The following JMJD1C variants were observed in gnomAD, a reference collection of about 807,000 sequenced individuals.
The protein encoded by JMJD1C is jumonji domain-containing protein 1C.
JMJD1C carries 31 observed loss-of-function variants against 245.3 expected under a neutral mutation model. The observed-to-expected ratio is 0.13, with a 90% CI of 0.09 to 0.17. The LOEUF (loss-of-function observed/expected upper bound fraction) is 0.17. Among genes scored for constraint, JMJD1C ranks in the 10% least tolerant of loss-of-function variants. The pLI is 1.00. For missense variants in JMJD1C, 2,691 were observed against 3,000.2 expected, an observed-to-expected ratio of 0.90 and a Z score of 2.41; for synonymous variants, 1,057 against 1,017.4, an observed-to-expected ratio of 1.04 and a Z score of -0.74.
chr10:63,519,997 T>A (rs1955157208), intron 1 of JMJD1C, among the ~76,000 whole-genome samples: 1 of 152,122 alleles, frequency 6.6e-6, no homozygotes, highest in Non-Finnish European at 1.5e-5. Context: ...AATAAAAGAT[T>A]CAGAGTTAAA....
chr10:63,289,848 G>A (rs1277173801), intron 2 of JMJD1C, among the ~76,000 whole-genome samples: 1 of 151,820 alleles, frequency 6.6e-6, no homozygotes, highest in African/African-American at 2.4e-5. Flanking sequence ...ATTTTAGAAA[G>A]GTCATTCATT....
intron 1 of JMJD1C, among the ~76,000 whole-genome samples, chr10:63,437,046 C>G (rs562095893): frequency 5.9e-5 from 9 of 152,246 alleles, no homozygotes; most frequent in Non-Finnish European, 4.4e-5. Context: ...TAGAGTAATT[C>G]ATTTGCCCAT....
intron 1 of JMJD1C, among the ~76,000 whole-genome samples, chr10:63,502,569 C>T (rs1299423703): frequency 7.1e-6 from 1 of 139,992 alleles, no homozygotes; most frequent in Admixed American, 7.7e-5. Flanking sequence ...ACCCGCGAGG[C>T]GGAGCTTGCA....
intron 2 of JMJD1C, among the ~76,000 whole-genome samples, chr10:63,321,337 C>G (rs890183492): frequency 2.0e-5 from 3 of 152,188 alleles, no homozygotes; most frequent in African/African-American, 7.2e-5. Flanking sequence ...GCTGCTCAGT[C>G]AGAAGTATAG....
chr10:63,400,585 T>G, intron 1 of JMJD1C, among the ~76,000 whole-genome samples: 1 of 151,976 alleles, frequency 6.6e-6, no homozygotes, highest in Middle Eastern at 3.2e-3. Flanking sequence ...GGCCCCGAGA[T>G]GGAGTCCTGC....
chr10:63,215,682 C>T lies in JMJD1C; in HGVS notation c.693G>A (p.Gln231=). 1 of 1,588,212 alleles carries T rather than the reference C, an allele frequency of 6.3e-7. No homozygotes were observed. Among genetic ancestry groups the T allele is most frequent in the Non-Finnish European group, 8.6e-7 (1 of 1,161,030 alleles). The change falls in exon 6 of 26, where the codon CAG becomes CAA. Residue 231 remains glutamine, a synonymous_variant. Transcript: ENST00000399262. The part of the protein sequence containing the change: ...IVMNDQVLEP[Q]NVDPSMVQMT... ...TTTGAACCATAGAAGGATCGACATT[C>T]TGTGGTTCTAGTACCTAATCCATGA...
At chr10:63,331,366 G>A (rs1298699044) in intron 2 of JMJD1C, among the ~76,000 whole-genome samples, 2 of 151,736 alleles carry the variant, frequency 1.3e-5, no homozygotes, top group South Asian at 2.1e-4. Flanking sequence ...CAATATCCTC[G>A]TCCTACAAAA....
intron 3 of JMJD1C, among the ~76,000 whole-genome samples, chr10:63,229,727 G>A (rs1849738166): frequency 6.6e-6 from 1 of 152,146 alleles, no homozygotes; most frequent in African/African-American, 2.4e-5. Context: ...AAAAAGGATT[G>A]TTGTACCAGG....
chr10:63,276,424 C>A (rs939303515), intron 2 of JMJD1C, among the ~76,000 whole-genome samples: 2 of 149,292 alleles, frequency 1.3e-5, no homozygotes, highest in South Asian at 2.2e-4. Context: ...CGAGACCCCG[C>A]CACTGCACTC....
chr10:63,521,478 G>C, intron 1 of JMJD1C: 1 of 1,141,250 alleles, frequency 8.8e-7, no homozygotes. Flanking sequence ...GCGGCCTGCC[G>C]TTGGCGGCCT....
At chr10:63,398,538 T>C (rs1385664214) in intron 1 of JMJD1C, among the ~76,000 whole-genome samples, 1 of 152,214 alleles carries the variant, frequency 6.6e-6, no homozygotes, top group African/African-American at 2.4e-5. Flanking sequence ...ATTATATTTT[T>C]ATGTAACAGC....
chr10:63,443,453 G>A (rs1951511803), intron 1 of JMJD1C, among the ~76,000 whole-genome samples: 1 of 152,248 alleles, frequency 6.6e-6, no homozygotes, highest in East Asian at 1.9e-4. Flanking sequence ...TGGGACTACA[G>A]GTGTGAGCCA....
At chr10:63,311,984 T>A (rs1589447472) in intron 2 of JMJD1C, among the ~76,000 whole-genome samples, 1 of 152,196 alleles carries the variant, frequency 6.6e-6, no homozygotes, top group South Asian at 2.1e-4. Flanking sequence ...TATAAAGTTA[T>A]GTACCTGTCA....
intron 2 of JMJD1C, among the ~76,000 whole-genome samples, chr10:63,329,789 AG>A (rs1372346908): frequency 4.6e-5 from 7 of 152,254 alleles, no homozygotes; most frequent in African/African-American, 7.2e-5. Context: ...AGTAAGCCAC[AG>A]CTCCCCGTCA....
chr10:63,178,324 G>C (rs1843059296), intron 22 of JMJD1C, among the ~76,000 whole-genome samples: 1 of 152,146 alleles, frequency 6.6e-6, no homozygotes, highest in Non-Finnish European at 1.5e-5. Context: ...TGGATACAAA[G>C]CAATAGTGAT....
chr10:63,259,187 G>C (rs1201229018), intron 3 of JMJD1C, among the ~76,000 whole-genome samples: 1 of 152,150 alleles, frequency 6.6e-6, no homozygotes, highest in Non-Finnish European at 1.5e-5. Context: ...AAATAAATCT[G>C]CTTATAAACA....
chr10:63,371,863 T>C (rs1437714592), intron 2 of JMJD1C, among the ~76,000 whole-genome samples: 2 of 152,210 alleles, frequency 1.3e-5, no homozygotes, highest in Non-Finnish European at 2.9e-5. Flanking sequence ...TGAAGTTATA[T>C]TGTCATTACT....
chr10:63,341,949 A>G (rs897547884), intron 2 of JMJD1C, among the ~76,000 whole-genome samples: 9 of 152,216 alleles, frequency 5.9e-5, no homozygotes, highest in Non-Finnish European at 1.2e-4. Context: ...GTGTGCCTGT[A>G]ACTATATTCA....
At chr10:63,415,852 T>C (rs1949768293) in intron 1 of JMJD1C, among the ~76,000 whole-genome samples, 1 of 152,188 alleles carries the variant, frequency 6.6e-6, no homozygotes, top group Non-Finnish European at 1.5e-5. Context: ...CATCACTTCA[T>C]TCTTAAACAT....
Sources: allele counts gnomAD v4.1 joint callset (sites outside exome capture counted in the v4.1 genomes callset), GRCh38; gene constraint gnomAD v4.1.1; transcripts MANE v1.5; gene names NCBI Gene and HGNC (gene_info 2026-07-23, HGNC 2026-07-21).